Variants in RGS7 observed in about 807,000 individuals in gnomAD.
The protein encoded by RGS7 is regulator of G-protein signaling 7.
In RGS7, 27 loss-of-function variants were observed where a neutral mutation model predicts 81.1. The ratio of observed to expected loss-of-function variants is 0.33; its 90% confidence interval spans 0.25 to 0.46. RGS7 has a LOEUF of 0.46. Ranked by LOEUF, RGS7 falls within the 20% of genes least tolerant of loss-of-function variation. RGS7 has a pLI of 1.00. For missense variants in RGS7, 396 were observed against 607.4 expected (o/e 0.65, Z 3.66); for synonymous variants, 208 against 207.7 (o/e 1.00, Z -0.01).
chr1:240,937,051 C>T (rs1304363169), intron 4 of RGS7, among the ~76,000 whole-genome samples: 1 of 152,168 alleles, frequency 6.6e-6, no homozygotes, highest in African/African-American at 2.4e-5. Flanking sequence ...CTTTGCCGTG[C>T]CCTGACATGC....
chr1:241,070,903 C>T (rs1228050884), intron 3 of RGS7, among the ~76,000 whole-genome samples: 2 of 152,176 alleles, frequency 1.3e-5, no homozygotes, highest in African/African-American at 4.8e-5. Flanking sequence ...ATGTCCATTG[C>T]TTCTCAGAAA....
At chr1:240,920,449 ACAAT>A in intron 6 of RGS7, 1 of 1,113,534 alleles carries the variant, frequency 9.0e-7, no homozygotes, top group Non-Finnish European at 1.4e-6. Flanking sequence ...GGCAATTACA[ACAAT>A]CAATCTTCAC....
chr1:241,124,415 A>G (rs149768833), intron 2 of RGS7, among the ~76,000 whole-genome samples: 2 of 152,174 alleles, frequency 1.3e-5, no homozygotes, highest in African/African-American at 2.4e-5. Flanking sequence ...TAAAAAAGAA[A>G]GAAAACAAGA....
chr1:241,265,123 C>T (rs945957909), intron 2 of RGS7, among the ~76,000 whole-genome samples: 8 of 152,226 alleles, frequency 5.3e-5, no homozygotes, highest in African/African-American at 1.9e-4. Flanking sequence ...AGCCTACCTC[C>T]CACATCCCCT....
intron 3 of RGS7, among the ~76,000 whole-genome samples, chr1:241,091,283 T>G (rs1163417469): frequency 6.6e-6 from 1 of 152,152 alleles, no homozygotes; most frequent in Non-Finnish European, 1.5e-5. Flanking sequence ...GCACTGTGGC[T>G]CACGCCTGTA....
intron 3 of RGS7, among the ~76,000 whole-genome samples, chr1:240,999,012 C>T (rs889754919): frequency 3.3e-5 from 5 of 152,082 alleles, no homozygotes; most frequent in African/African-American, 4.8e-5. Context: ...GTTTTCTCTC[C>T]GCTGTTCAGA....
intron 2 of RGS7, among the ~76,000 whole-genome samples, chr1:241,224,739 A>G (rs2075215891): frequency 6.6e-6 from 1 of 152,122 alleles, no homozygotes; most frequent in Admixed American, 6.5e-5. Context: ...TGTCCCCTTT[A>G]GCTCCTCCCA....
intron 2 of RGS7, among the ~76,000 whole-genome samples, chr1:241,152,650 C>T (rs1572905443): frequency 6.6e-6 from 1 of 152,166 alleles, no homozygotes; most frequent in Non-Finnish European, 1.5e-5. Flanking sequence ...CATTTGGACC[C>T]CTGTGTTCAA....
intron 2 of RGS7, among the ~76,000 whole-genome samples, chr1:241,167,680 G>A (rs775724532): frequency 2.0e-5 from 3 of 151,998 alleles, no homozygotes; most frequent in South Asian, 2.1e-4. Flanking sequence ...CACCACGCCC[G>A]GCTAATTTTT....
chr1:241,068,133 A>G (rs2062178554), intron 3 of RGS7, among the ~76,000 whole-genome samples: 4 of 151,308 alleles, frequency 2.6e-5, no homozygotes, highest in Non-Finnish European at 5.9e-5. Context: ...ATGAAAGCTA[A>G]TAACACAATA....
intron 6 of RGS7, among the ~76,000 whole-genome samples, chr1:240,903,186 A>G (rs988274297): frequency 4.3e-4 from 65 of 152,194 alleles, no homozygotes; most frequent in Non-Finnish European, 7.1e-4. Flanking sequence ...AAGAGGAAAC[A>G]AATATATCAA....
At chr1:241,280,892 G>T (rs1457238295) in intron 2 of RGS7, among the ~76,000 whole-genome samples, 1 of 152,150 alleles carries the variant, frequency 6.6e-6, no homozygotes, top group Non-Finnish European at 1.5e-5. Context: ...GTTTACTTTT[G>T]TAAGAAACTG....
chr1:241,302,267 C>T (rs368912761), intron 2 of RGS7, among the ~76,000 whole-genome samples: 28 of 150,972 alleles, frequency 1.9e-4, no homozygotes, highest in Non-Finnish European at 2.6e-4. Flanking sequence ...TGGCTTCGGC[C>T]GGCCGGGCGC....
rs140537930 is a variant in RGS7, at chr1:240,865,061, C to T, written c.609+3526G>A. On this transcript the variant is annotated intron_variant, in intron 9 of 18. Transcript: ENST00000440928. The stretch of plus-strand genomic sequence containing the variant: ...CTGTCAAGTGAGATGCTAAAGTGAT[C>T]TGCTAGCTGCTTTTACCCATATAAT... Among the ~76,000 whole-genome samples, 369 of 152,050 alleles carry T rather than the reference C, an allele frequency of 2.4e-3. 4 individuals are homozygous for T. Among genetic ancestry groups the T allele is most frequent in the African/African-American group, 8.2e-3 (340 of 41,464 alleles).
intron 2 of RGS7, among the ~76,000 whole-genome samples, chr1:241,238,199 G>A (rs1370008893): frequency 1.3e-5 from 2 of 152,150 alleles, no homozygotes; most frequent in East Asian, 1.9e-4. Context: ...AGGGCTGACC[G>A]ACCCAGACAG....
At chr1:241,331,253 T>A (rs2081962326) in intron 2 of RGS7, among the ~76,000 whole-genome samples, 1 of 152,178 alleles carries the variant, frequency 6.6e-6, no homozygotes, top group African/African-American at 2.4e-5. Context: ...CCTCTGAACT[T>A]CATTTTGAGG....
intron 18 of RGS7, among the ~76,000 whole-genome samples, chr1:240,787,361 T>C (rs1572077994): frequency 6.6e-6 from 1 of 152,194 alleles, no homozygotes; most frequent in Non-Finnish European, 1.5e-5. Flanking sequence ...GATGCTCCTT[T>C]ATTCATTTTA....
intron 15 of RGS7, among the ~76,000 whole-genome samples, chr1:240,804,116 C>T (rs1373263952): frequency 2.0e-5 from 3 of 152,092 alleles, no homozygotes; most frequent in Non-Finnish European, 4.4e-5. Flanking sequence ...CAAGAACTAC[C>T]ACTTACAAAT....
intron 18 of RGS7, among the ~76,000 whole-genome samples, chr1:240,790,308 T>G (rs1175139719): frequency 2.6e-5 from 4 of 152,236 alleles, no homozygotes; most frequent in Admixed American, 6.5e-5. Context: ...TAGAGTTTTC[T>G]TTTTTTAATT....
Sources: gnomAD v4.1 joint callset for allele counts (sites outside exome capture counted in the v4.1 genomes callset) on GRCh38, gnomAD v4.1.1 for gene constraint, MANE v1.5 for transcripts, NCBI Gene and HGNC (gene_info 2026-07-23, HGNC 2026-07-21) for gene names.